SAMHD1: variants seen among roughly 807,000 people sequenced by gnomAD.
SAMHD1 encodes the protein deoxynucleoside triphosphate triphosphohydrolase SAMHD1.
Under a neutral mutation model 79.6 loss-of-function variants are expected in SAMHD1, and 54 were observed. The observed-to-expected ratio is 0.68, with a 90% confidence interval of 0.55 to 0.85. The LOEUF is 0.85. SAMHD1 is among the 40% of genes least tolerant of loss of function. SAMHD1 has a pLI of 0.00. For missense variants in SAMHD1, 663 were observed against 782.7 expected (o/e 0.85, Z 1.82); for synonymous variants, 260 against 264.1 (o/e 0.98, Z 0.15).
At chr20:36,918,801 C>CAAAAAAAAAAAAAAAAAAAAAAA (rs60403097) in intron 7 of SAMHD1, among the ~76,000 whole-genome samples, 3 of 65,462 alleles carry the variant, frequency 4.6e-5, no homozygotes, top group Non-Finnish European at 8.1e-5. Context: ...GACTCTATCT[C>CAAAAAAAAAAAAAAAAAAAAAAA]AAAAAAAAAA....
intron 13 of SAMHD1, among the ~76,000 whole-genome samples, chr20:36,900,947 G>A (rs1990294817): frequency 6.6e-6 from 1 of 151,990 alleles, no homozygotes. Context: ...TGTTTGAGAT[G>A]ATGGGTATGC....
intron 15 of SAMHD1, among the ~76,000 whole-genome samples, chr20:36,896,847 G>T (rs561371790): frequency 4.8e-5 from 7 of 145,944 alleles, no homozygotes; most frequent in Admixed American, 1.4e-4. Flanking sequence ...AAAAATGAAT[G>T]AATTAATTAA....
At chr20:36,933,045 G>A (rs2063577689) in intron 4 of SAMHD1, among the ~76,000 whole-genome samples, 1 of 152,094 alleles carries the variant, frequency 6.6e-6, no homozygotes, top group Non-Finnish European at 1.5e-5. Context: ...TGAACTCTGA[G>A]CTACATGAGG....
chr20:36,937,538 T>C (rs915806554), intron 3 of SAMHD1, among the ~76,000 whole-genome samples: 7 of 152,194 alleles, frequency 4.6e-5, no homozygotes, highest in African/African-American at 1.7e-4. Context: ...AAATTGTGTG[T>C]GATTGAACAA....
At chr20:36,894,091 T>C (rs1990147441) in intron 15 of SAMHD1, 1 of 396,544 alleles carries the variant, frequency 2.5e-6, no homozygotes, top group Non-Finnish European at 4.4e-6. Context: ...CTAGAGGTGG[T>C]AGCAGCTTCC....
chr20:36,948,191 G>A (rs546622400), intron 1 of SAMHD1, among the ~76,000 whole-genome samples: 1 of 152,054 alleles, frequency 6.6e-6, no homozygotes, highest in African/African-American at 2.4e-5. Context: ...ATGAGAAAAG[G>A]GACACTGTAC....
Position 36,890,470 on chromosome 20 carries a change from T to G in SAMHD1, c.*2462A>C, listed in dbSNP as rs1006705590. On this transcript the variant is annotated 3_prime_UTR_variant, in exon 16 of 16. Coordinates refer to ENST00000646673, the MANE Select transcript of SAMHD1 (RefSeq NM_015474.4). ...TTCCCTCCTTCCTTCCTTCCTTTCT[T>G]TCTTTTTGTTTGAGACAGAGTTTCG... 1.5e-4 allele frequency: 23 copies of G among 149,162 alleles called. No individual in the cohort carries two copies. The highest frequency in any genetic ancestry group is 4.9e-4 in the African/African-American group (20 of 40,574). The allele number at this position is 149,162 out of a possible 1,614,324, so 9.2% of individuals were successfully genotyped here. A position where few individuals can be genotyped will look rare whatever the true frequency, so the allele number is the denominator to read the frequency against.
At chr20:36,934,091 C>T (rs2063584890) in intron 4 of SAMHD1, among the ~76,000 whole-genome samples, 1 of 151,988 alleles carries the variant, frequency 6.6e-6, no homozygotes, top group Non-Finnish European at 1.5e-5. Flanking sequence ...CCACCACACC[C>T]AGCCCCTGTT....
At chr20:36,932,969 T>C (rs1259454146) in intron 4 of SAMHD1, among the ~76,000 whole-genome samples, 1 of 152,154 alleles carries the variant, frequency 6.6e-6, no homozygotes, top group Non-Finnish European at 1.5e-5. Flanking sequence ...ACAACATAAT[T>C]GGAGATGAAG....
At chr20:36,946,612 C>G (rs1239730737) in intron 2 of SAMHD1, 126 bp downstream of exon 2, 7 of 704,058 alleles carry the variant, frequency 9.9e-6, no homozygotes, top group Non-Finnish European at 1.8e-5. Context: ...GCAAGGGATT[C>G]TGCTGTTTTA....
chr20:36,900,435 G>A (rs1008303251), intron 13 of SAMHD1, among the ~76,000 whole-genome samples: 7 of 151,844 alleles, frequency 4.6e-5, no homozygotes, highest in Admixed American at 2.0e-4. Flanking sequence ...TAGTAGAGAC[G>A]GGGTTTCACC....
chr20:36,896,884 T>TGACA lies in SAMHD1; in HGVS notation c.1746+934_1746+937dup, dbSNP rs1555831181. Among the ~76,000 whole-genome samples, 1,273 of 151,398 alleles carry TGACA rather than the reference T, an allele frequency of 8.4e-3. 16 individuals carry two copies. The highest frequency in any genetic ancestry group is 0.028 in the African/African-American group (1,161 of 41,242). On this transcript the variant is annotated intron_variant, in intron 15 of 15. Coordinates refer to ENST00000646673, the MANE Select transcript of SAMHD1 (RefSeq NM_015474.4). ...TAAAAAAAAAAAGAATTTTCTACCC[T>TGACA]GACAGGTCTCCTCATGGTCCCCTAA...
intron 1 of SAMHD1, among the ~76,000 whole-genome samples, chr20:36,949,673 CTTGAACCAGGCAGTTAGAGGTTGCA>C (rs1477679706): frequency 6.9e-6 from 1 of 144,252 alleles, no homozygotes; most frequent in Non-Finnish European, 1.5e-5. Context: ...AGGAGAATAG[CTTGAACCAGGCAGTTAGAGGTTGCA>C]CTGGGCCGAG....
At chr20:36,942,293 C>G (rs1253974769) in intron 2 of SAMHD1, among the ~76,000 whole-genome samples, 2 of 152,138 alleles carry the variant, frequency 1.3e-5, no homozygotes, top group African/African-American at 4.8e-5. Context: ...TGGCGCATGC[C>G]TGTAATCCCA....
At chr20:36,942,899 G>A (rs1439598968) in intron 2 of SAMHD1, among the ~76,000 whole-genome samples, 1 of 151,936 alleles carries the variant, frequency 6.6e-6, no homozygotes, top group Non-Finnish European at 1.5e-5. Flanking sequence ...CTCGTGATCC[G>A]CCCGCCTCGG....
chr20:36,913,647 T>C lies in SAMHD1; in HGVS notation c.1063-1095A>G, dbSNP rs138533396. On this transcript the variant is annotated intron_variant, in intron 9 of 15. Coordinates refer to ENST00000646673, the MANE Select transcript of SAMHD1 (RefSeq NM_015474.4). ...CCTAAAATCTATCACATGCTCAAAC[T>C]CTGTGACAGTTTCCGTTTTAGGCAT... 3.7e-3 allele frequency among the ~76,000 whole-genome samples: 561 copies of C among 151,058 alleles called. 25 individuals are homozygous for C. The East Asian group carries it at 0.1, about 28-fold the overall frequency.
chr20:36,920,668 C>T (rs939497023), intron 6 of SAMHD1, among the ~76,000 whole-genome samples: 1 of 151,618 alleles, frequency 6.6e-6, no homozygotes, highest in African/African-American at 2.4e-5. Flanking sequence ...GGGACTGAGG[C>T]AGGACAATCA....
At chr20:36,907,539 C>CTTTT (rs71186087) in intron 11 of SAMHD1, among the ~76,000 whole-genome samples, 5 of 125,836 alleles carry the variant, frequency 4.0e-5, no homozygotes, top group South Asian at 2.6e-4. Flanking sequence ...ATAAAGATGA[C>CTTTT]TTTTTTTTTT....
chr20:36,903,197 G>C (rs1338741672), intron 13 of SAMHD1, among the ~76,000 whole-genome samples: 1 of 152,174 alleles, frequency 6.6e-6, no homozygotes, highest in South Asian at 2.1e-4. Flanking sequence ...TTTACAGGGA[G>C]GGCAGTTTTG....
Sources: allele counts gnomAD v4.1 joint callset (sites outside exome capture counted in the v4.1 genomes callset), GRCh38; gene constraint gnomAD v4.1.1; transcripts MANE v1.5; gene names NCBI Gene and HGNC (gene_info 2026-07-23, HGNC 2026-07-21).